Variants in EYS observed in about 807,000 individuals in gnomAD.
EYS encodes protein eyes shut homolog.
In EYS, 250 loss-of-function variants were observed where a neutral mutation model predicts 282.1. The ratio of observed to expected loss-of-function variants is 0.89; its 90% confidence interval spans 0.80 to 0.98. EYS has a LOEUF of 0.98. Among genes scored for constraint, EYS ranks in the 50% least tolerant of loss-of-function variants. EYS has a pLI of 0.00. For missense variants in EYS, 4,016 were observed against 3,709.0 expected (o/e 1.08, Z -2.15); for synonymous variants, 1,355 against 1,282.9 (o/e 1.06, Z -1.20).
chr6:65,535,120 G>A (rs552276665), intron 2 of EYS, among the ~76,000 whole-genome samples: 1 of 152,244 alleles, frequency 6.6e-6, no homozygotes, highest in East Asian at 1.9e-4. Context: ...TCTGTAGGGT[G>A]AGTCAGTAAA....
At chr6:64,007,152 C>T (rs1582120519) in intron 33 of EYS, among the ~76,000 whole-genome samples, 2 of 152,018 alleles carry the variant, frequency 1.3e-5, no homozygotes, top group East Asian at 3.9e-4. Flanking sequence ...GTTAGGCTTT[C>T]TATTACTGAT....
intron 41 of EYS, among the ~76,000 whole-genome samples, chr6:63,759,419 G>A (rs1253308777): frequency 6.6e-6 from 1 of 152,042 alleles, no homozygotes; most frequent in East Asian, 1.9e-4. Context: ...CACAAACCTT[G>A]ATGTTCATAT....
At chr6:65,408,588 T>C (rs969465775) in intron 5 of EYS, among the ~76,000 whole-genome samples, 5 of 152,160 alleles carry the variant, frequency 3.3e-5, no homozygotes. Flanking sequence ...CCAATGCTTA[T>C]TTTATTTACT....
intron 14 of EYS, among the ~76,000 whole-genome samples, chr6:64,992,563 A>G (rs1771100181): frequency 6.6e-6 from 1 of 151,958 alleles, no homozygotes; most frequent in Admixed American, 6.6e-5. Flanking sequence ...AGGATGGATT[A>G]ATTTTGTCAC....
In EYS at chr6:63,751,018, A is replaced by G. The variant is rs543078456; in HGVS notation, c.8071+11443T>C. Among the ~76,000 whole-genome samples the G allele has an allele frequency of 2.7e-4, 41 of 152,120 alleles. 2 individuals carry two copies. The South Asian group carries it at 8.5e-3, about 32-fold the overall frequency. On this transcript the variant is annotated intron_variant, in intron 41 of 42. Transcript: ENST00000503581. ...TCTTACCTTGGATGCACTAATTTTG[A>G]TTATTTCAGCACATCTATTTAATCA...
At chr6:65,168,453 G>A (rs931980933) in intron 12 of EYS, among the ~76,000 whole-genome samples, 3 of 151,284 alleles carry the variant, frequency 2.0e-5, no homozygotes, top group Admixed American at 6.6e-5. Flanking sequence ...CTCAAGGTGT[G>A]GTATAGGCCT....
At chr6:65,237,188 A>G (rs1240564551) in intron 12 of EYS, among the ~76,000 whole-genome samples, 1 of 152,168 alleles carries the variant, frequency 6.6e-6, no homozygotes, top group Non-Finnish European at 1.5e-5. Context: ...AGCCAAATAA[A>G]TTTGTATAAA....
At chr6:64,640,633 T>G (rs905409125) in intron 22 of EYS, among the ~76,000 whole-genome samples, 4 of 151,894 alleles carry the variant, frequency 2.6e-5, no homozygotes, top group Admixed American at 2.6e-4. Context: ...GACGAGTTAA[T>G]GGGTGCAGCA....
chr6:64,858,002 C>A (rs572713125), intron 19 of EYS, among the ~76,000 whole-genome samples: 7 of 152,124 alleles, frequency 4.6e-5, no homozygotes, highest in Admixed American at 1.3e-4. Flanking sequence ...ATATTAACTC[C>A]TTATCAGATG....
chr6:65,172,846 C>T (rs1765136913), intron 12 of EYS, among the ~76,000 whole-genome samples: 2 of 150,978 alleles, frequency 1.3e-5, no homozygotes, highest in South Asian at 4.2e-4. Flanking sequence ...GTATCTTGAG[C>T]TCTGTAATTA....
At chr6:63,828,740 A>G (rs1180095151) in intron 36 of EYS, among the ~76,000 whole-genome samples, 2 of 152,236 alleles carry the variant, frequency 1.3e-5, no homozygotes, top group East Asian at 3.8e-4. Flanking sequence ...GTAAATGCAA[A>G]TCAAAACCAC....
intron 2 of EYS, among the ~76,000 whole-genome samples, chr6:65,514,122 T>C (rs991560388): frequency 6.6e-6 from 1 of 151,782 alleles, no homozygotes; most frequent in African/African-American, 2.4e-5. Context: ...TGTACAAAAA[T>C]CACAAGCATT....
intron 12 of EYS, among the ~76,000 whole-genome samples, chr6:65,175,079 C>T (rs1765194062): frequency 6.6e-6 from 1 of 151,200 alleles, no homozygotes; most frequent in Non-Finnish European, 1.5e-5. Flanking sequence ...GAAAAAGTCT[C>T]TTTTATTTTT....
At chr6:64,280,648 A>G (rs1001667221) in intron 30 of EYS, among the ~76,000 whole-genome samples, 1 of 152,142 alleles carries the variant, frequency 6.6e-6, no homozygotes, top group Non-Finnish European at 1.5e-5. Context: ...ATCTCTAGTT[A>G]TCATTGCATT....
Position 64,307,301 on chromosome 6 carries a change from A to G in EYS, c.6079-219T>C, listed in dbSNP as rs894207629. ...CTTGGCTATTATGAATAATGCTGCA[A>G]TGAACATGGGCAAAATTATAAAGAA... is the stretch of plus-strand genomic sequence containing the variant. On this transcript the variant is annotated intron_variant, in intron 29 of 42. Transcript: ENST00000503581. Among the ~76,000 whole-genome samples, 6 of 152,108 alleles carry G rather than the reference A, an allele frequency of 3.9e-5. No homozygotes were observed. The East Asian group carries it at 1.2e-3, about 29-fold the overall frequency.
rs139399805 is a variant in EYS, at chr6:63,801,500, A to C, written c.7411+4690T>G. 3.0e-3 allele frequency among the ~76,000 whole-genome samples: 454 copies of C among 152,306 alleles called. 3 individuals are homozygous for C. Among genetic ancestry groups the C allele is most frequent in the African/African-American group, 1.0e-2 (414 of 41,566 alleles). ...GGTTTCTGGCTGAAGCAGAATGTTT[A>C]TAACAGTTACCAACAGAAGGGATAC... On this transcript the variant is annotated intron_variant, in intron 37 of 42. Transcript: ENST00000503581.
At chr6:63,971,732 A>T (rs2149783938) in intron 35 of EYS, among the ~76,000 whole-genome samples, 1 of 152,344 alleles carries the variant, frequency 6.6e-6, no homozygotes, top group East Asian at 1.9e-4. Flanking sequence ...CAATCCCACC[A>T]CATAGGTCTA....
chr6:65,452,981 G>A (rs1170767274), intron 5 of EYS, among the ~76,000 whole-genome samples: 1 of 151,952 alleles, frequency 6.6e-6, no homozygotes, highest in Non-Finnish European at 1.5e-5. Flanking sequence ...GCTCCGTAAG[G>A]TTCTCAAAAA....
At chr6:64,100,653 T>G (rs984229576) in intron 31 of EYS, among the ~76,000 whole-genome samples, 2 of 152,200 alleles carry the variant, frequency 1.3e-5, no homozygotes, top group African/African-American at 4.8e-5. Flanking sequence ...TTACATTTGC[T>G]TCTTCCAAAT....
Sources: allele counts gnomAD v4.1 joint callset (sites outside exome capture counted in the v4.1 genomes callset), GRCh38; gene constraint gnomAD v4.1.1; transcripts MANE v1.5; gene names NCBI Gene and HGNC (gene_info 2026-07-23, HGNC 2026-07-21).